TSPEAR: variants seen among roughly 807,000 people sequenced by gnomAD.
TSPEAR encodes the protein thrombospondin-type laminin G domain and EAR repeat-containing protein.
Under a neutral mutation model 71.6 loss-of-function variants are expected in TSPEAR, and 69 were observed. The observed-to-expected ratio is 0.96, with a 90% CI of 0.79 to 1.18. The LOEUF is 1.18. TSPEAR is among the 50% of genes most tolerant of loss of function. TSPEAR has a pLI of 0.00. For missense variants in TSPEAR, 971 were observed against 894.9 expected (o/e 1.09, Z -1.09); for synonymous variants, 402 against 387.2 (o/e 1.04, Z -0.45).
chr21:44,621,211 T>A (rs1178394687), intron 1 of TSPEAR, among the ~76,000 whole-genome samples: 1 of 152,242 alleles, frequency 6.6e-6, no homozygotes, highest in African/African-American at 2.4e-5. Flanking sequence ...TATTTCCTTA[T>A]TGAATAAAAA....
At chr21:44,671,061 G>A (rs982819045) in intron 1 of TSPEAR, among the ~76,000 whole-genome samples, 1 of 152,156 alleles carries the variant, frequency 6.6e-6, no homozygotes, top group Non-Finnish European at 1.5e-5. Context: ...CATACCATCT[G>A]GGGGCCTGGT....
At position 44,506,944 on chromosome 21, in the gene TSPEAR, G is replaced by A. The variant is rs1242363030; in HGVS notation, c.1755-2063C>T. 2 of 152,250 alleles carry A rather than the reference G, an allele frequency of 1.3e-5. No individual in the cohort carries two copies. Among genetic ancestry groups the A allele is most frequent in the South Asian group, 2.1e-4 (1 of 4,832 alleles). 9.4% of individuals were successfully genotyped at this position (152,250 alleles called of 1,614,324 possible). A position where few individuals can be genotyped will look rare whatever the true frequency, so the allele number is the denominator to read the frequency against. ...CAGCCCTGGGTCACACTCGCTGTAG[G>A]ACAGATGTTATTCTTCAGAATCACG... On this transcript the variant is annotated intron_variant, in intron 10 of 11. Coordinates refer to ENST00000323084, the MANE Select transcript of TSPEAR (RefSeq NM_144991.3). The surrounding 1 kb of genome is among the most constrained non-coding windows in gnomAD (Gnocchi z 4.2).
At chr21:44,567,716 G>A (rs1381584495) in intron 2 of TSPEAR, 69 bp downstream of exon 2, 26 of 1,375,252 alleles carry the variant, frequency 1.9e-5, no homozygotes, top group East Asian at 4.7e-5. Context: ...CTGTGCACGC[G>A]TTGGTACTGG....
intron 2 of TSPEAR, among the ~76,000 whole-genome samples, chr21:44,563,369 T>C (rs2053663948): frequency 1.3e-5 from 2 of 152,184 alleles, no homozygotes; most frequent in African/African-American, 4.8e-5. Context: ...AAGAGTTGTA[T>C]AGGAGCAATC....
chr21:44,664,315 C>A (rs1985640092), intron 1 of TSPEAR, among the ~76,000 whole-genome samples: 1 of 151,948 alleles, frequency 6.6e-6, no homozygotes, highest in African/African-American at 2.4e-5. Flanking sequence ...GAAATTGAAA[C>A]TTAAAAATAG....
At chr21:44,657,105 T>C (rs1465820779) in intron 1 of TSPEAR, among the ~76,000 whole-genome samples, 2 of 152,088 alleles carry the variant, frequency 1.3e-5, no homozygotes, top group Non-Finnish European at 2.9e-5. Flanking sequence ...ATGGCCACAT[T>C]GTCTCCTCAC....
At position 44,556,700 on chromosome 21, in the gene TSPEAR, T is replaced by C. The variant is rs187633705; in HGVS notation, c.303+11085A>G. On this transcript the variant is annotated intron_variant, in intron 2 of 11. Transcript: ENST00000323084. ...GAGCCAGACTCCGCCTAAAAAATAA[T>C]AGAAGTTGCTCCAGGGATTCCAGTT... Among the ~76,000 whole-genome samples, 25 of 152,210 alleles carry C rather than the reference T, an allele frequency of 1.6e-4. No individual in the cohort carries two copies. In the East Asian group the frequency reaches 4.6e-3, roughly 28 times the overall value.
At chr21:44,519,256 C>T (rs1182281725) in intron 9 of TSPEAR, 2 of 152,638 alleles carry the variant, frequency 1.3e-5, no homozygotes, top group African/African-American at 4.8e-5. Context: ...TGGTCTTGAT[C>T]TCCTGACCTT....
chr21:44,560,279 G>T (rs1245355756), intron 2 of TSPEAR, among the ~76,000 whole-genome samples: 1 of 152,114 alleles, frequency 6.6e-6, no homozygotes, highest in African/African-American at 2.4e-5. Flanking sequence ...AATGAGAAGA[G>T]CTAATTATCC....
chr21:44,665,345 G>A (rs1269609527), intron 1 of TSPEAR, among the ~76,000 whole-genome samples: 3 of 152,198 alleles, frequency 2.0e-5, no homozygotes, highest in African/African-American at 7.2e-5. Flanking sequence ...CAGACTCCTG[G>A]GGCAAGAGGG....
intron 1 of TSPEAR, among the ~76,000 whole-genome samples, chr21:44,602,963 C>T (rs2146155649): frequency 6.6e-6 from 1 of 152,228 alleles, no homozygotes; most frequent in East Asian, 1.9e-4. Context: ...TGACACAGAC[C>T]CCAAGCTGCC....
chr21:44,532,619 A>G (rs2052996069), intron 3 of TSPEAR, among the ~76,000 whole-genome samples: 1 of 152,258 alleles, frequency 6.6e-6, no homozygotes, highest in Non-Finnish European at 1.5e-5. Flanking sequence ...TTTGAAAGTA[A>G]TATTCGAAAT....
At chr21:44,676,165 A>T (rs1986303935) in intron 1 of TSPEAR, 5 of 1,098,660 alleles carry the variant, frequency 4.6e-6, no homozygotes, top group Non-Finnish European at 7.0e-6. Context: ...GTAGGAGAAG[A>T]AGTACTGGTA....
At position 44,527,472 on chromosome 21, in the gene TSPEAR, G is replaced by C. The variant is rs782544137; in HGVS notation, c.969C>G (p.Thr323=). 2.5e-6 allele frequency: 4 copies of C among 1,614,186 alleles called. No individual in the cohort carries two copies. Among genetic ancestry groups the C allele is most frequent in the Non-Finnish European group, 1.7e-6 (2 of 1,180,046 alleles). ...DYVEEHQNLS[T]NSETLGIEVF... ...CCTCAATGCCCAGGGTCTCTGAGTT[G>C]GTGGACAAGTTCTGATGCTCCTCCA... The change falls in exon 7 of 12, where the codon ACC becomes ACG. Residue 323 remains threonine, a synonymous_variant. Transcript: ENST00000323084.
rs782103136 is a variant in TSPEAR at position 44,531,646 on chromosome 21, C to A, written c.543-513G>T. Among the ~76,000 whole-genome samples, 12 of 152,312 alleles carry A rather than the reference C, an allele frequency of 7.9e-5. 1 individual carries two copies. Among genetic ancestry groups the A allele is most frequent in the Non-Finnish European group, 1.2e-4 (8 of 68,034 alleles). On this transcript the variant is annotated intron_variant, in intron 3 of 11. Coordinates refer to ENST00000323084, the MANE Select transcript of TSPEAR (RefSeq NM_144991.3). ...CGTGGTGACATGCTTAGTGGTTCTT[C>A]CCTATCTCATGGTGAACGTGCAGTG...
At chr21:44,600,931 C>T (rs1555928498) in intron 1 of TSPEAR, 13 of 1,612,008 alleles carry the variant, frequency 8.1e-6, no homozygotes, top group African/African-American at 2.7e-5. Context: ...TGCCTCCTCC[C>T]CCTGCCAGCA....
chr21:44,588,024 G>A (rs463966), intron 1 of TSPEAR, among the ~76,000 whole-genome samples: 143,946 of 152,308 alleles, frequency 0.95, 68,176 homozygotes, highest in Non-Finnish European at 0.97. Context: ...ATAAATAGCT[G>A]GGACTTAATT....
At chr21:44,708,321 ACG>A (rs1201230548) in intron 1 of TSPEAR, among the ~76,000 whole-genome samples, 1 of 152,048 alleles carries the variant, frequency 6.6e-6, no homozygotes, top group Non-Finnish European at 1.5e-5. Flanking sequence ...GGTCATGCAC[ACG>A]CAGCCAAGAG....
intron 8 of TSPEAR, among the ~76,000 whole-genome samples, chr21:44,522,988 C>T (rs181913141): frequency 2.3e-4 from 35 of 152,320 alleles, no homozygotes; most frequent in Non-Finnish European, 4.1e-4. Flanking sequence ...GTCAGTCAGT[C>T]AGATAGTCAG....
Sources: gnomAD v4.1 joint callset for allele counts (sites outside exome capture counted in the v4.1 genomes callset) on GRCh38, gnomAD v4.1.1 for gene constraint, Gnocchi (gnomAD v3.1) non-coding constraint, MANE v1.5 for transcripts, NCBI Gene and HGNC (gene_info 2026-07-23, HGNC 2026-07-21) for gene names.